Variants in DPP6 observed in about 807,000 individuals in gnomAD.
The protein encoded by DPP6 is A-type potassium channel modulatory protein DPP6.
DPP6 carries 69 observed loss-of-function variants against 122.6 expected under a neutral mutation model. The observed-to-expected ratio is 0.56, with a 90% confidence interval of 0.46 to 0.69. DPP6 has a LOEUF of 0.69. Ranked by LOEUF, DPP6 falls within the 30% of genes least tolerant of loss-of-function variation. The pLI is 0.00. For missense variants in DPP6, 928 were observed against 1,116.9 expected, an observed-to-expected ratio of 0.83 and a Z score of 2.41; for synonymous variants, 418 against 433.1, an observed-to-expected ratio of 0.97 and a Z score of 0.43.
intron 11 of DPP6, among the ~76,000 whole-genome samples, chr7:154,795,520 C>T (rs1797988434): frequency 6.6e-6 from 1 of 152,140 alleles, no homozygotes; most frequent in Non-Finnish European, 1.5e-5. Context: ...CATGCCCGGG[C>T]AGTGATGACC....
intron 1 of DPP6, among the ~76,000 whole-genome samples, chr7:154,260,745 A>G (rs1015349141): frequency 6.8e-6 from 1 of 147,826 alleles, no homozygotes; most frequent in African/African-American, 2.5e-5. Flanking sequence ...TATGTATAAT[A>G]TATATATTAT....
intron 1 of DPP6, among the ~76,000 whole-genome samples, chr7:153,976,463 C>T: frequency 6.6e-6 from 1 of 152,222 alleles, no homozygotes; most frequent in East Asian, 1.9e-4. Context: ...CTTATTATCC[C>T]TCCAGGGATC....
At chr7:154,013,036 G>A (rs1323968692) in intron 1 of DPP6, among the ~76,000 whole-genome samples, 2 of 152,098 alleles carry the variant, frequency 1.3e-5, no homozygotes, top group Non-Finnish European at 2.9e-5. Context: ...AGGCTCACTC[G>A]CTGATTTCTG....
At chr7:154,852,491 G>C (rs1052798697) in intron 16 of DPP6, among the ~76,000 whole-genome samples, 15 of 138,412 alleles carry the variant, frequency 1.1e-4, no homozygotes, top group African/African-American at 4.7e-4. Context: ...TGCCTCTCCT[G>C]CCTCTCCTGC....
chr7:154,424,709 C>A (rs148443722), intron 1 of DPP6, among the ~76,000 whole-genome samples: 1 of 152,168 alleles, frequency 6.6e-6, no homozygotes, highest in Non-Finnish European at 1.5e-5. Context: ...TGTCTTTGGG[C>A]GGCCTTGTTC....
chr7:153,988,460 T>C (rs575515007), intron 1 of DPP6, among the ~76,000 whole-genome samples: 1 of 152,252 alleles, frequency 6.6e-6, no homozygotes, highest in South Asian at 2.1e-4. Flanking sequence ...AGATGGACAG[T>C]GTTACCATTA....
chr7:154,594,938 G>T (rs1004874843), intron 5 of DPP6, among the ~76,000 whole-genome samples: 3 of 152,124 alleles, frequency 2.0e-5, no homozygotes, highest in African/African-American at 4.8e-5. Flanking sequence ...CCAGGCCAGG[G>T]GCCAGGGTGT....
Position 154,481,541 on chromosome 7 carries a change from G to A in DPP6, c.457+6504G>A, listed in dbSNP as rs1241930262. Among the ~76,000 whole-genome samples, 1 of 145,904 alleles carries A rather than the reference G, an allele frequency of 6.9e-6. No homozygotes were observed. Among genetic ancestry groups the A allele is most frequent in the African/African-American group, 2.6e-5 (1 of 38,836 alleles). On this transcript the variant is annotated intron_variant, in intron 3 of 25. Coordinates refer to ENST00000377770, the MANE Select transcript of DPP6 (RefSeq NM_130797.4). This position sits in a 1 kb window ranked among gnomAD's most constrained non-coding sequence, Gnocchi z 4.2. ...CAGCCCTGGCCCCCCGACCCTCCAT[G>A]TCTCAGACTCTACATGATCTGTTTA...
chr7:154,795,743 C>T (rs1441620420), intron 11 of DPP6, 102 bp from the exon 12 acceptor site: 7 of 1,503,548 alleles, frequency 4.7e-6, no homozygotes, highest in Non-Finnish European at 6.2e-6. Flanking sequence ...TAGGTGAAGC[C>T]AAATTGTTTC....
In DPP6 at chr7:154,361,321, G is replaced by T. The variant is rs554184463; in HGVS notation, c.244-84893G>T. On this transcript the variant is annotated intron_variant, in intron 1 of 25. Coordinates refer to ENST00000377770, the MANE Select transcript of DPP6 (RefSeq NM_130797.4). ...TCAAGATACCCAATAAAGTGTATTT[G>T]TTCCTCATTTTCTCGGAAAAGTCTC... 2.6e-5 allele frequency among the ~76,000 whole-genome samples: 4 copies of T among 152,264 alleles called. No homozygotes were observed. In the East Asian group the frequency reaches 7.7e-4, roughly 29 times the overall value.
At chr7:153,859,745 G>A in the DPP6 span, among the ~76,000 whole-genome samples, 898 of 152,114 alleles carry the variant, frequency 5.9e-3, 4 homozygotes, top group Non-Finnish European at 5.7e-3. Flanking sequence ...CTGCATGGCT[G>A]GAGAGGCCTC....
At chr7:153,936,996 A>G (rs1022062596) in intron 1 of DPP6, among the ~76,000 whole-genome samples, 1 of 152,184 alleles carries the variant, frequency 6.6e-6, no homozygotes, top group Non-Finnish European at 1.5e-5. Flanking sequence ...GGACTCAGAA[A>G]TCTTGATCAA....
At chr7:154,737,026 T>C (rs1842599531) in intron 8 of DPP6, among the ~76,000 whole-genome samples, 1 of 152,224 alleles carries the variant, frequency 6.6e-6, no homozygotes, top group South Asian at 2.1e-4. Flanking sequence ...GGAGTGACGT[T>C]GGGAAGGACA....
At chr7:153,790,353 A>C in the DPP6 span, among the ~76,000 whole-genome samples, 34 of 120,274 alleles carry the variant, frequency 2.8e-4, no homozygotes, top group Non-Finnish European at 5.5e-4. Context: ...TTCAGTAACT[A>C]ATTTTTATAA....
chr7:154,238,428 A>G (rs1475285408), intron 1 of DPP6, among the ~76,000 whole-genome samples: 2 of 152,224 alleles, frequency 1.3e-5, no homozygotes, highest in Non-Finnish European at 2.9e-5. Flanking sequence ...ATCGAGGACA[A>G]TATGAGGTGA....
intron 5 of DPP6, among the ~76,000 whole-genome samples, chr7:154,568,406 C>T (rs530413341): frequency 6.6e-6 from 1 of 152,232 alleles, no homozygotes; most frequent in Non-Finnish European, 1.5e-5. Flanking sequence ...CTTTAATCAT[C>T]GGAGCACCCC....
intron 7 of DPP6, among the ~76,000 whole-genome samples, chr7:154,696,983 A>G (rs919682941): frequency 6.6e-6 from 1 of 152,220 alleles, no homozygotes; most frequent in Non-Finnish European, 1.5e-5. Flanking sequence ...CGATTCTACA[A>G]AGACCCTGAC....
chr7:153,897,095 A>G (rs1239327556), intron 1 of DPP6, among the ~76,000 whole-genome samples: 1 of 152,178 alleles, frequency 6.6e-6, no homozygotes, highest in Admixed American at 6.5e-5. Context: ...TGTCTGTGCT[A>G]TGTTATTATG....
rs35969198 is a variant in DPP6, at chr7:154,879,416, TAAA to T, written c.2079-1459_2079-1457del. Among the ~76,000 whole-genome samples, 275 of 117,870 alleles carry T rather than the reference TAAA, an allele frequency of 2.3e-3. 34 individuals carry two copies. Among genetic ancestry groups the T allele is most frequent in the African/African-American group, 6.9e-3 (197 of 28,384 alleles). 77.3% of individuals were successfully genotyped at this position (117,870 alleles called of 152,430 possible). On this transcript the variant is annotated intron_variant, in intron 20 of 25. Transcript: ENST00000377770. ...TAACACGGTGAAACCCCGTCTCTAC[TAAA>T]AAAAAAAAAAAATACAAAAAATTAG...
Sources: gnomAD v4.1 joint callset for allele counts (sites outside exome capture counted in the v4.1 genomes callset) on GRCh38, gnomAD v4.1.1 for gene constraint, Gnocchi (gnomAD v3.1) non-coding constraint, MANE v1.5 for transcripts, NCBI Gene and HGNC (gene_info 2026-07-23, HGNC 2026-07-21) for gene names.